The following KLHL29 variants were observed in gnomAD, a reference collection of about 807,000 sequenced individuals.
The protein encoded by KLHL29 is kelch like family member 29.
A neutral mutation model predicts 80.4 loss-of-function variants in KLHL29; 21 were observed. The ratio of observed to expected loss-of-function variants is 0.26; its 90% CI spans 0.19 to 0.38. The LOEUF (loss-of-function observed/expected upper bound fraction) is 0.38, where lower values mean the gene tolerates loss of function less well. KLHL29 is among the 10% of genes least tolerant of loss of function. The probability of loss-of-function intolerance (pLI) is 1.00; values close to 1 mark genes in which losing one functional copy is unlikely to be tolerated. For missense variants in KLHL29, 867 were observed against 1,223.9 expected (o/e 0.71, Z 4.35); for synonymous variants, 511 against 526.8 (o/e 0.97, Z 0.41).
chr2:23,634,866 A>G lies in KLHL29; in HGVS notation c.286-4273A>G, dbSNP rs1669567873. On this transcript the variant is annotated intron_variant, in intron 3 of 13. Coordinates refer to ENST00000486442, the MANE Select transcript of KLHL29 (RefSeq NM_052920.2). ...TGGAATCCACCCTGTGCATTCATTC[A>G]TTCATTCATTCATCGAGCCAGCAGT... 2.0e-5 allele frequency among the ~76,000 whole-genome samples: 3 copies of G among 152,166 alleles called. No individual in the cohort carries two copies. In the South Asian group the frequency reaches 6.2e-4, roughly 31 times the overall value.
At chr2:23,604,978 C>A (rs538354251) in intron 3 of KLHL29, among the ~76,000 whole-genome samples, 10 of 152,204 alleles carry the variant, frequency 6.6e-5, no homozygotes, top group African/African-American at 2.2e-4. Flanking sequence ...TGGGAGGGTC[C>A]GCTGAGCGCC....
At chr2:23,643,303 G>GA in intron 5 of KLHL29, 4 of 310,472 alleles carry the variant, frequency 1.3e-5, no homozygotes, top group Non-Finnish European at 1.9e-5. Context: ...CCCAGGGAAG[G>GA]CACTCTCTGT....
At chr2:23,473,380 A>G (rs937244478) in intron 1 of KLHL29, among the ~76,000 whole-genome samples, 1 of 152,152 alleles carries the variant, frequency 6.6e-6, no homozygotes, top group Non-Finnish European at 1.5e-5. Context: ...AGGGCCCAAC[A>G]CAAAACATCC....
intron 2 of KLHL29, among the ~76,000 whole-genome samples, chr2:23,550,068 T>C (rs1667083193): frequency 6.6e-6 from 1 of 152,142 alleles, no homozygotes; most frequent in African/African-American, 2.4e-5. Context: ...CAGGGTGTTT[T>C]TCCGTTTTAT....
At chr2:23,656,020 A>T (rs1250749917) in intron 5 of KLHL29, among the ~76,000 whole-genome samples, 2 of 152,222 alleles carry the variant, frequency 1.3e-5, no homozygotes, top group East Asian at 3.9e-4. Context: ...TGCCCACAGA[A>T]CATCTGCTGA....
intron 2 of KLHL29, among the ~76,000 whole-genome samples, chr2:23,489,294 A>G (rs1387480799): frequency 6.6e-6 from 1 of 152,078 alleles, no homozygotes; most frequent in Non-Finnish European, 1.5e-5. Context: ...TTCTACAGAA[A>G]GCCCTGGGGA....
chr2:23,479,115 GAC>G (rs1023964096), intron 2 of KLHL29, among the ~76,000 whole-genome samples: 16 of 151,510 alleles, frequency 1.1e-4, no homozygotes, highest in Admixed American at 9.9e-4. Flanking sequence ...GGCCGACACA[GAC>G]ACTCTGCTGC....
intron 13 of KLHL29, among the ~76,000 whole-genome samples, chr2:23,705,074 C>G (rs994192114): frequency 9.9e-5 from 15 of 152,248 alleles, no homozygotes; most frequent in Non-Finnish European, 1.9e-4. Context: ...GCCATACTTC[C>G]ATGTCATGTA....
intron 1 of KLHL29, among the ~76,000 whole-genome samples, chr2:23,394,299 G>A (rs1245134107): frequency 6.6e-6 from 1 of 152,184 alleles, no homozygotes; most frequent in Non-Finnish European, 1.5e-5. Context: ...GGAACTTTAA[G>A]GATATATATT....
intron 3 of KLHL29, among the ~76,000 whole-genome samples, chr2:23,629,291 A>G (rs1481136402): frequency 6.6e-6 from 1 of 152,102 alleles, no homozygotes; most frequent in Non-Finnish European, 1.5e-5. Flanking sequence ...TTTCAGCAGA[A>G]TGAAAGGGAA....
chr2:23,591,936 C>A (rs938911276), intron 3 of KLHL29, among the ~76,000 whole-genome samples: 2 of 152,262 alleles, frequency 1.3e-5, no homozygotes, highest in African/African-American at 4.8e-5. Flanking sequence ...CTAACCATCT[C>A]TTTCCTGAAG....
chr2:23,488,911 T>G (rs1322674396), intron 2 of KLHL29, among the ~76,000 whole-genome samples: 1 of 152,220 alleles, frequency 6.6e-6, no homozygotes, highest in Non-Finnish European at 1.5e-5. Flanking sequence ...AAATCTGTAT[T>G]AAGGGTCTTG....
At chr2:23,692,213 TC>T (rs1436112401) in intron 7 of KLHL29, among the ~76,000 whole-genome samples, 2 of 152,188 alleles carry the variant, frequency 1.3e-5, no homozygotes, top group African/African-American at 4.8e-5. Flanking sequence ...GGCCTCACAG[TC>T]CTGTTCTCTA....
At chr2:23,439,748 G>T (rs1663456338) in intron 1 of KLHL29, among the ~76,000 whole-genome samples, 1 of 150,792 alleles carries the variant, frequency 6.6e-6, no homozygotes, top group Admixed American at 6.6e-5. Context: ...GTCAATTTTG[G>T]AATAGGTGTG....
chr2:23,639,921 G>C (rs1409666776), intron 4 of KLHL29, among the ~76,000 whole-genome samples: 3 of 152,080 alleles, frequency 2.0e-5, no homozygotes, highest in African/African-American at 7.2e-5. Context: ...TAGATTCCAG[G>C]CCCTTTGCCT....
chr2:23,656,058 A>G (rs1378824370), intron 5 of KLHL29, among the ~76,000 whole-genome samples: 4 of 152,218 alleles, frequency 2.6e-5, no homozygotes, highest in African/African-American at 7.2e-5. Context: ...ATAGCTCTTC[A>G]CTTCAAAAGA....
At chr2:23,653,800 T>G (rs1167334443) in intron 5 of KLHL29, among the ~76,000 whole-genome samples, 3 of 152,160 alleles carry the variant, frequency 2.0e-5, no homozygotes, top group Non-Finnish European at 4.4e-5. Context: ...CCTCCAGGTC[T>G]CTACAAATAT....
chr2:23,670,633 C>G (rs1670687288), intron 5 of KLHL29, among the ~76,000 whole-genome samples: 1 of 152,152 alleles, frequency 6.6e-6, no homozygotes, highest in Non-Finnish European at 1.5e-5. Context: ...TCTTTCATGC[C>G]TATTAAGATT....
chr2:23,504,750 C>T (rs1000270050), intron 2 of KLHL29, among the ~76,000 whole-genome samples: 1 of 152,210 alleles, frequency 6.6e-6, no homozygotes, highest in East Asian at 1.9e-4. Flanking sequence ...TGGCTGTCCT[C>T]GAGCCAGCAT....
Sources: gnomAD v4.1 joint callset for allele counts (sites outside exome capture counted in the v4.1 genomes callset) on GRCh38, gnomAD v4.1.1 for gene constraint, MANE v1.5 for transcripts, NCBI Gene and HGNC (gene_info 2026-07-23, HGNC 2026-07-21) for gene names.